Variants in ITGB3 observed in about 807,000 individuals in gnomAD.
The protein encoded by ITGB3 is integrin subunit beta 3, also known as integrin beta-3.
ITGB3 carries 48 observed loss-of-function variants against 85.8 expected under a neutral mutation model. The observed-to-expected ratio is 0.56, with a 90% CI of 0.44 to 0.71. ITGB3 has a LOEUF of 0.71. ITGB3 is among the 30% of genes least tolerant of loss of function. The pLI is 0.00. For missense variants in ITGB3, 861 were observed against 1,019.1 expected (o/e 0.84, Z 2.11); for synonymous variants, 363 against 395.6 (o/e 0.92, Z 0.98).
rs73322311 is a variant in ITGB3, at chr17:47,307,544, C to T, written c.2208C>T (p.Ala736=). 2,453 of 1,614,162 alleles carry T rather than the reference C, an allele frequency of 1.5e-3. 26 individuals are homozygous for T. The African/African-American group carries it at 0.03, about 19-fold the overall frequency. ...GGGCCATTCTGCTCATTGGCCTTGC[C>T]GCCCTGCTCATCTGGAAACTCCTCA... ...VMGAILLIGL[A]ALLIWKLLIT... The change falls in exon 14 of 15, where the codon GCC becomes GCT. Residue 736 remains alanine, a synonymous_variant. Coordinates refer to ENST00000559488, the MANE Select transcript of ITGB3 (RefSeq NM_000212.3).
rs1181336139 is a variant in ITGB3, at chr17:47,299,488, G to A, written c.1871G>A (p.Cys624Tyr). The A allele has an allele frequency of 1.2e-6, 2 of 1,614,130 alleles. No homozygotes were observed. Among genetic ancestry groups the A allele is most frequent in the Non-Finnish European group, 1.7e-6 (2 of 1,180,046 alleles). ...CIQPGSYGDT[C>Y]EKCPTCPDAC... ...CAGCCGGGCTCCTATGGGGACACCT[G>A]TGAGAAGTGCCCCACCTGCCCAGAT... The change falls in exon 11 of 15, where the codon TGT (cysteine) becomes TAT (tyrosine). Residue 624 changes from cysteine to tyrosine, a missense_variant. Transcript: ENST00000559488. This position sits in a 1 kb window ranked among gnomAD's most constrained non-coding sequence, Gnocchi z 5.1.
At position 47,308,059 on chromosome 17, in the gene ITGB3, G is replaced by A. The variant is rs889477964; in HGVS notation, c.2301+422G>A. ...TGCATGCCTGTAATCCCAGCTATTC[G>A]GGAGGCTGAAGCAGGAGGATTGCTT... On this transcript the variant is annotated intron_variant, in intron 14 of 14. Transcript: ENST00000559488. 4.0e-5 allele frequency among the ~76,000 whole-genome samples: 6 copies of A among 151,518 alleles called. No individual in the cohort carries two copies. The East Asian group carries it at 7.7e-4, about 20-fold the overall frequency.
chr17:47,282,401 G>A (rs980295705), intron 2 of ITGB3, among the ~76,000 whole-genome samples: 1 of 152,162 alleles, frequency 6.6e-6, no homozygotes, highest in Non-Finnish European at 1.5e-5. Flanking sequence ...ATTCCTCCCA[G>A]TCCCTGGAAA....
intron 10 of ITGB3, among the ~76,000 whole-genome samples, chr17:47,293,996 C>A (rs948278347): frequency 6.6e-6 from 1 of 152,160 alleles, no homozygotes; most frequent in South Asian, 2.1e-4. Flanking sequence ...TTAGAAAGGT[C>A]GATCTGTGTC....
At position 47,307,494 on chromosome 17, in the gene ITGB3, C is replaced by T. The variant is rs763278021; in HGVS notation, c.2158C>T (p.Leu720=). 1 of 1,614,150 alleles carries T rather than the reference C, an allele frequency of 6.2e-7. No individual in the cohort carries two copies. The highest frequency in any genetic ancestry group is 8.5e-7 in the Non-Finnish European group (1 of 1,180,028). The change falls in exon 14 of 15, where the codon CTG becomes TTG. Residue 720 remains leucine, a synonymous_variant. Transcript: ENST00000559488. Reference sequence around the variant, plus strand: ...AGAGTGTCCCAAGGGCCCTGACATCCTGGTGGTCCTGCTCTCAGTGATGGG... The same window carrying T: ...AGAGTGTCCCAAGGGCCCTGACATCTTGGTGGTCCTGCTCTCAGTGATGGG... ...EPECPKGPDI[L]VVLLSVMGAI...
At chr17:47,257,014 G>T (rs1362381616) in intron 1 of ITGB3, among the ~76,000 whole-genome samples, 2 of 152,152 alleles carry the variant, frequency 1.3e-5, no homozygotes, top group Non-Finnish European at 2.9e-5. Flanking sequence ...CCTTAAATAA[G>T]TTACCTAATC....
chr17:47,278,788 C>T (rs746110651), intron 2 of ITGB3, among the ~76,000 whole-genome samples: 2 of 152,128 alleles, frequency 1.3e-5, no homozygotes, highest in Non-Finnish European at 2.9e-5. Flanking sequence ...TCAAACCCTA[C>T]TGTGAACTGG....
intron 14 of ITGB3, among the ~76,000 whole-genome samples, chr17:47,308,189 A>ATAATAATAATAATAATAATAATAATAAT: frequency 7.5e-6 from 1 of 134,190 alleles, no homozygotes; most frequent in Admixed American, 7.6e-5. Flanking sequence ...AATAATAATA[A>ATAATAATAATAATAATAATAATAATAAT]AATAAAATAA....
intron 2 of ITGB3, among the ~76,000 whole-genome samples, chr17:47,276,895 T>C (rs904196664): frequency 1.3e-5 from 2 of 152,188 alleles, no homozygotes; most frequent in Non-Finnish European, 1.5e-5. Flanking sequence ...AATCAAACCT[T>C]GGAGAGCCCT....
intron 8 of ITGB3, 23 bp from the exon 9 acceptor site, chr17:47,290,931 T>C: frequency 6.2e-7 from 1 of 1,613,994 alleles, no homozygotes; most frequent in Non-Finnish European, 8.5e-7. Flanking sequence ...ATTTCTTGTC[T>C]TCTTGTGCCC....
intron 1 of ITGB3, among the ~76,000 whole-genome samples, chr17:47,264,343 G>C (rs900687933): frequency 6.6e-6 from 1 of 152,194 alleles, no homozygotes; most frequent in Non-Finnish European, 1.5e-5. Context: ...CATGCCCCAT[G>C]AGCCATCCAT....
Position 47,310,313 on chromosome 17 carries a change from A to G in ITGB3, c.*109A>G, listed in dbSNP as rs971431753. 4 of 1,051,288 alleles carry G rather than the reference A, an allele frequency of 3.8e-6. No individual in the cohort carries two copies. Among genetic ancestry groups the G allele is most frequent in the African/African-American group, 3.1e-5 (2 of 64,106 alleles). The allele number at this position is 1,051,288 out of a possible 1,614,324, so 65.1% of individuals were successfully genotyped here. A position where few individuals can be genotyped will look rare whatever the true frequency, so the allele number is the denominator to read the frequency against. ...TTGTGGGGAGGGATTTGGGGCTCAG[A>G]GTGGGGTAGGTTGGGAGAATGTCAG... is the stretch of plus-strand genomic sequence containing the variant. On this transcript the variant is annotated 3_prime_UTR_variant, in exon 15 of 15. Coordinates refer to ENST00000559488, the MANE Select transcript of ITGB3 (RefSeq NM_000212.3).
Position 47,310,152 on chromosome 17 carries a change from T to C in ITGB3, c.2315T>C (p.Leu772Pro), listed in dbSNP as rs1228960294. 3 of 1,613,892 alleles carry C rather than the reference T, an allele frequency of 1.9e-6. No individual in the cohort carries two copies. The African/African-American group carries it at 4.0e-5, about 22-fold the overall frequency. ...TTTCCTCCACAGGCCAACAACCCACTGTATAAAGAGGCCACGTCTACCTTC... is the reference window on the plus strand; with the variant it reads ...TTTCCTCCACAGGCCAACAACCCACCGTATAAAGAGGCCACGTCTACCTTC... ...RAKWDTANNP[L>P]YKEATSTFTN... is the part of the protein sequence containing the mutation. Residue 772 changes from leucine (L) to proline (P), a missense_variant, in exon 15 of 15, where the codon CTG becomes CCG. Physicochemically the swap from Leu to Pro is moderately conservative, Grantham distance 98 (BLOSUM62 -3). Coordinates refer to ENST00000559488, the MANE Select transcript of ITGB3 (RefSeq NM_000212.3).
rs770724365 is a variant in ITGB3, at chr17:47,289,801, G to A, written c.1035+25G>A. 256 of 1,560,208 alleles carry A rather than the reference G, an allele frequency of 1.6e-4. 1 individual carries two copies. In the Middle Eastern group the frequency reaches 5.0e-3, roughly 31 times the overall value. On this transcript the variant is annotated intron_variant, in intron 7 of 14. Coordinates refer to ENST00000559488, the MANE Select transcript of ITGB3 (RefSeq NM_000212.3). ...GGTGACTGTGCCTTCGGGCTTCCTGGAGTGGGCCCTGTGATGGTGGGTGCC... is the reference window on the plus strand; with the variant it reads ...GGTGACTGTGCCTTCGGGCTTCCTGAAGTGGGCCCTGTGATGGTGGGTGCC...
In ITGB3 at chr17:47,283,370, C is replaced by T; in HGVS notation, c.182C>T (p.Ser61Leu). 1 of 1,614,208 alleles carries T rather than the reference C, an allele frequency of 6.2e-7. No homozygotes were observed. Among genetic ancestry groups the T allele is most frequent in the Non-Finnish European group, 8.5e-7 (1 of 1,180,038 alleles). ...WCSDEALPLGSPRCDLKENLL... is the reference protein window; with the variant it reads ...WCSDEALPLGLPRCDLKENLL... ...GTCTTACAGGCCCTGCCTCTGGGCT[C>T]ACCTCGCTGTGACCTGAAGGAGAAT... The change falls in exon 3 of 15, where the codon TCA becomes TTA. Residue 61 changes from serine (S) to leucine (L), a missense_variant. By Grantham distance (145) the Ser-to-Leu change is moderately radical. Coordinates refer to ENST00000559488, the MANE Select transcript of ITGB3 (RefSeq NM_000212.3).
Position 47,308,984 on chromosome 17 carries a change from T to A in ITGB3, c.2302-1155T>A, listed in dbSNP as rs554621501. On this transcript the variant is annotated intron_variant, in intron 14 of 14. Coordinates refer to ENST00000559488, the MANE Select transcript of ITGB3 (RefSeq NM_000212.3). ...CTCCCCTCTCCTCCCCTCCCCTTCC[T>A]TTTACGCTTCCTCCCCTCCCCTTCC... Among the ~76,000 whole-genome samples, 588 of 101,780 alleles carry A rather than the reference T, an allele frequency of 5.8e-3. 6 individuals carry two copies. The highest frequency in any genetic ancestry group is 0.022 in the African/African-American group (560 of 25,906). The allele number at this position is 101,780 out of a possible 152,430, so 66.8% of individuals were successfully genotyped here.
chr17:47,288,648 G>A (rs1221444825), intron 6 of ITGB3, among the ~76,000 whole-genome samples: 2 of 152,106 alleles, frequency 1.3e-5, no homozygotes, highest in Non-Finnish European at 2.9e-5. Context: ...CACCGCCCCC[G>A]CACAGTGTCC....
chr17:47,265,474 T>C (rs557477923), intron 1 of ITGB3, among the ~76,000 whole-genome samples: 2 of 152,330 alleles, frequency 1.3e-5, no homozygotes, highest in South Asian at 4.1e-4. Flanking sequence ...TTGGTGTTCC[T>C]TAGTTTCTGG....
At chr17:47,303,413 A>G (rs1213447507) in intron 13 of ITGB3, 1 of 154,748 alleles carries the variant, frequency 6.5e-6, no homozygotes, top group Non-Finnish European at 1.4e-5. Context: ...ATAGATATGG[A>G]TCTCATTAAT....
Sources: gnomAD v4.1 joint callset for allele counts (sites outside exome capture counted in the v4.1 genomes callset) on GRCh38, gnomAD v4.1.1 for gene constraint, Gnocchi (gnomAD v3.1) non-coding constraint, MANE v1.5 for transcripts, NCBI Gene and HGNC (gene_info 2026-07-23, HGNC 2026-07-21) for gene names.